The following GRAMD4 variants were observed in gnomAD, a reference collection of about 807,000 sequenced individuals.
The protein encoded by GRAMD4 is GRAM domain-containing protein 4.
A neutral mutation model predicts 83.9 loss-of-function variants in GRAMD4; 25 were observed. The observed-to-expected ratio is 0.30, with a 90% CI of 0.22 to 0.42. The LOEUF is 0.42. GRAMD4 is among the 10% of genes least tolerant of loss of function. The pLI is 1.00. For synonymous variants in GRAMD4, 336 were observed against 320.9 expected, an observed-to-expected ratio of 1.05 and a Z score of -0.50; for missense variants, 593 against 788.7, an observed-to-expected ratio of 0.75 and a Z score of 2.97.
At chr22:46,603,574 T>G (rs925843297) in intron 1 of GRAMD4, among the ~76,000 whole-genome samples, 7 of 136,672 alleles carry the variant, frequency 5.1e-5, no homozygotes, top group Non-Finnish European at 9.3e-5. Context: ...TGGAGTGCAG[T>G]GGCGCGATCC....
chr22:46,599,368 G>C (rs899229046), intron 1 of GRAMD4, among the ~76,000 whole-genome samples: 1 of 151,808 alleles, frequency 6.6e-6, no homozygotes, highest in African/African-American at 2.4e-5. Context: ...CCCCGGGCTA[G>C]AGTGCAGTGT....
At chr22:46,673,508 G>C (rs2082545315) in intron 14 of GRAMD4, among the ~76,000 whole-genome samples, 162 bp from the exon 15 acceptor site, 2 of 152,250 alleles carry the variant, frequency 1.3e-5, no homozygotes, top group Admixed American at 6.5e-5. Context: ...AGGTGAGGTG[G>C]CCCTGCCTGG....
intron 3 of GRAMD4, among the ~76,000 whole-genome samples, chr22:46,650,489 G>C (rs1263120396): frequency 6.6e-6 from 1 of 152,156 alleles, no homozygotes; most frequent in Non-Finnish European, 1.5e-5. Context: ...GCCTGTGTAG[G>C]CCTGAGCCGA....
chr22:46,648,107 TGGGTGGAC>T (rs979317535), intron 3 of GRAMD4, among the ~76,000 whole-genome samples: 182 of 151,612 alleles, frequency 1.2e-3, no homozygotes, highest in African/African-American at 4.0e-3. Flanking sequence ...GATAGGTAGA[TGGGTGGAC>T]GGGTGGGTGG....
intron 2 of GRAMD4, among the ~76,000 whole-genome samples, chr22:46,635,680 G>GA (rs1178246491): frequency 1.1e-4 from 14 of 122,562 alleles, no homozygotes; most frequent in African/African-American, 4.7e-4. Context: ...CCCTGTCCAG[G>GA]GGAGCTGTGT....
intron 1 of GRAMD4, among the ~76,000 whole-genome samples, chr22:46,578,667 C>T (rs1484282691): frequency 6.6e-6 from 1 of 152,220 alleles, no homozygotes; most frequent in African/African-American, 2.4e-5. Context: ...CAGTTGCTGC[C>T]TCTGCCCCGT....
Position 46,677,410 on chromosome 22 carries a change from T to C in GRAMD4, c.*159T>C. ...CTATTGTGTTGACCTCTGCGTTTTATCGACCAAGAAGGGGCCAGGGCTCAC... is the reference window on the plus strand; with the variant it reads ...CTATTGTGTTGACCTCTGCGTTTTACCGACCAAGAAGGGGCCAGGGCTCAC... On this transcript the variant is annotated 3_prime_UTR_variant, in exon 19 of 19. Coordinates refer to ENST00000406902, the MANE Select transcript of GRAMD4 (RefSeq NM_015124.5). 1 of 1,375,578 alleles carries C rather than the reference T, an allele frequency of 7.3e-7. No homozygotes were observed. The highest frequency in any genetic ancestry group is 1.8e-5 in the South Asian group (1 of 56,170). The allele number at this position is 1,375,578 out of a possible 1,614,324, so 85.2% of individuals were successfully genotyped here.
chr22:46,612,111 C>G (rs1293602972), intron 1 of GRAMD4, among the ~76,000 whole-genome samples: 1 of 52,164 alleles, frequency 1.9e-5, no homozygotes, highest in African/African-American at 4.4e-5. Flanking sequence ...TCAAGCGACT[C>G]TCCTGCCTCA....
chr22:46,674,064 C>T (rs1403430406), intron 15 of GRAMD4, among the ~76,000 whole-genome samples: 1 of 152,214 alleles, frequency 6.6e-6, no homozygotes, highest in African/African-American at 2.4e-5. Flanking sequence ...TGACAGCAGG[C>T]GTGCAGGCAA....
In GRAMD4 at chr22:46,626,917, G is replaced by T. The variant is rs75994818; in HGVS notation, c.118G>T (p.Val40Leu). ...TECSDEIPLK[V>L]PRTSPRDSEE... ...ATGCAGCGACGAAATCCCCCTGAAG[G>T]TACCGCGGACCTCGCCCCGGGACAG... The change falls in exon 2 of 19, where the codon GTA becomes TTA. Residue 40 changes from valine (V) to leucine (L), a missense_variant. Val to Leu is a conservative substitution (Grantham distance 32). Transcript: ENST00000406902. The T allele has an allele frequency of 1.6e-3, 2,528 of 1,614,152 alleles. 38 individuals are homozygous for T. In the African/African-American group the frequency reaches 0.03, roughly 19 times the overall value.
chr22:46,609,186 A>G (rs2081394236), intron 1 of GRAMD4, among the ~76,000 whole-genome samples: 1 of 152,002 alleles, frequency 6.6e-6, no homozygotes, highest in Admixed American at 6.5e-5. Flanking sequence ...CCCCAGAGAC[A>G]TACATCGCAG....
intron 9 of GRAMD4, 104 bp downstream of exon 9, chr22:46,665,810 T>G: frequency 1.5e-6 from 1 of 677,090 alleles, no homozygotes; most frequent in South Asian, 1.7e-5. Context: ...TGTCATGCAC[T>G]GACGTTTTGG....
intron 13 of GRAMD4, among the ~76,000 whole-genome samples, chr22:46,669,201 G>C (rs2082460761): frequency 6.6e-6 from 1 of 152,204 alleles, no homozygotes; most frequent in Non-Finnish European, 1.5e-5. Flanking sequence ...GGGGTGTCAG[G>C]GAATTGCCCT....
intron 3 of GRAMD4, among the ~76,000 whole-genome samples, chr22:46,653,793 C>G (rs1052217465): frequency 6.6e-6 from 1 of 152,158 alleles, no homozygotes; most frequent in African/African-American, 2.4e-5. Flanking sequence ...TGTGTGGGTA[C>G]TAGGAGTTAA....
At chr22:46,594,156 C>T (rs1285562065) in intron 1 of GRAMD4, among the ~76,000 whole-genome samples, 5 of 151,440 alleles carry the variant, frequency 3.3e-5, no homozygotes, top group African/African-American at 1.2e-4. Flanking sequence ...ATCCCGCCAG[C>T]CCCTCCCCAG....
chr22:46,675,649 T>C (rs1207085790), intron 17 of GRAMD4, 97 bp downstream of exon 17: 1 of 834,028 alleles, frequency 1.2e-6, no homozygotes, highest in African/African-American at 1.7e-5. Flanking sequence ...CCAGCCTCTG[T>C]CAGCATCTGG....
intron 3 of GRAMD4, among the ~76,000 whole-genome samples, chr22:46,653,470 C>T (rs570168413): frequency 1.3e-3 from 194 of 152,318 alleles, no homozygotes; most frequent in African/African-American, 4.4e-3. Context: ...CTTTTTCACA[C>T]AGGCAGGCAT....
chr22:46,587,868 G>A (rs2147924963), intron 1 of GRAMD4: 3 of 981,096 alleles, frequency 3.1e-6, no homozygotes, highest in East Asian at 1.1e-4. Flanking sequence ...AGAAGCCCGG[G>A]CGTCGGGGTG....
At chr22:46,603,455 C>T (rs9627518) in intron 1 of GRAMD4, among the ~76,000 whole-genome samples, 109,098 of 144,348 alleles carry the variant, frequency 0.76, 42,849 homozygotes, top group East Asian at 0.99. Context: ...GTGATCCGCC[C>T]GCCTCCGCCT....
Sources: gnomAD v4.1 joint callset for allele counts (sites outside exome capture counted in the v4.1 genomes callset) on GRCh38, gnomAD v4.1.1 for gene constraint, MANE v1.5 for transcripts, NCBI Gene and HGNC (gene_info 2026-07-23, HGNC 2026-07-21) for gene names.